NAV3: variants seen among roughly 807,000 people sequenced by gnomAD.
The protein encoded by NAV3 is pore membrane and/or filament interacting like protein 1.
NAV3 carries 87 observed loss-of-function variants against 244.7 expected under a neutral mutation model. The ratio of observed to expected loss-of-function variants is 0.36; its 90% confidence interval spans 0.30 to 0.42. The LOEUF (loss-of-function observed/expected upper bound fraction) is 0.42, where lower values mean the gene tolerates loss of function less well. Ranked by LOEUF, NAV3 falls within the 20% of genes least tolerant of loss-of-function variation. The pLI is 1.00. For synonymous variants in NAV3, 1,126 were observed against 1,042.2 expected, an observed-to-expected ratio of 1.08 and a Z score of -1.55; for missense variants, 2,663 against 2,893.3, an observed-to-expected ratio of 0.92 and a Z score of 1.83.
intron 2 of NAV3, among the ~76,000 whole-genome samples, chr12:77,600,692 TAG>T (rs1450886700): frequency 2.6e-5 from 4 of 151,832 alleles, no homozygotes; most frequent in Non-Finnish European, 5.9e-5. Context: ...ATGGCAAAGC[TAG>T]AGAGAAATGA....
chr12:78,058,930 A>G, intron 11 of NAV3, 66 bp from the exon 12 acceptor site: 3 of 1,405,020 alleles, frequency 2.1e-6, no homozygotes, highest in South Asian at 3.2e-5. Flanking sequence ...CCGTTTGTTT[A>G]TTAAGTTAAA....
At chr12:78,210,277 T>A (rs1209970375) in intron 39 of NAV3, 121 bp from the exon 40 acceptor site, 28 of 1,447,818 alleles carry the variant, frequency 1.9e-5, no homozygotes, top group Non-Finnish European at 2.3e-5. Flanking sequence ...TCTAAAATTA[T>A]TTTCCCCTGT....
chr12:77,869,388 T>C (rs1880601804), intron 1 of NAV3, among the ~76,000 whole-genome samples: 1 of 152,240 alleles, frequency 6.6e-6, no homozygotes. Flanking sequence ...TAATAATTTT[T>C]ACAAAACAAG....
intron 22 of NAV3, among the ~76,000 whole-genome samples, chr12:78,150,629 CCTCACACACACA>C (rs1236629057): frequency 0.011 from 1,371 of 122,640 alleles, 15 homozygotes; most frequent in Non-Finnish European, 0.014. Flanking sequence ...GCAAAAGCTT[CCTCACACACACA>C]CACACACACA....
At chr12:77,934,160 T>C (rs1355043118) in intron 1 of NAV3, among the ~76,000 whole-genome samples, 5 of 152,170 alleles carry the variant, frequency 3.3e-5, no homozygotes, top group Non-Finnish European at 7.3e-5. Flanking sequence ...TTCCTTATTA[T>C]CATGGCACCA....
intron 2 of NAV3, among the ~76,000 whole-genome samples, chr12:77,649,146 A>T (rs1872720020): frequency 2.0e-5 from 3 of 152,138 alleles, no homozygotes; most frequent in Non-Finnish European, 2.9e-5. Flanking sequence ...CTGCTCACAG[A>T]TGGACCCAGA....
intron 3 of NAV3, among the ~76,000 whole-genome samples, chr12:77,956,020 G>A (rs868767852): frequency 1.3e-5 from 2 of 152,104 alleles, no homozygotes; most frequent in Non-Finnish European, 1.5e-5. Flanking sequence ...GCTTGGAAAT[G>A]TCTTGATGAA....
chr12:77,799,805 T>C (rs983215391), intron 2 of NAV3, among the ~76,000 whole-genome samples: 1 of 152,166 alleles, frequency 6.6e-6, no homozygotes, highest in African/African-American at 2.4e-5. Context: ...AAATGTTACA[T>C]ATGTGGATGT....
At chr12:78,088,146 G>GTT (rs557353443) in intron 12 of NAV3, among the ~76,000 whole-genome samples, 2 of 151,136 alleles carry the variant, frequency 1.3e-5, no homozygotes, top group Non-Finnish European at 3.0e-5. Context: ...TAACATAATG[G>GTT]TTTTTATAAT....
intron 2 of NAV3, among the ~76,000 whole-genome samples, chr12:77,591,026 A>G (rs922921623): frequency 5.9e-5 from 9 of 152,228 alleles, no homozygotes; most frequent in African/African-American, 1.9e-4. Flanking sequence ...GTTTTCAGAC[A>G]GACAACTCGT....
chr12:77,646,809 CA>C (rs1872623090), intron 2 of NAV3, among the ~76,000 whole-genome samples: 1 of 151,872 alleles, frequency 6.6e-6, no homozygotes, highest in Non-Finnish European at 1.5e-5. Context: ...TAAATAAATA[CA>C]ATAAAAATAA....
chr12:77,981,811 GC>G (rs1421608913), intron 5 of NAV3, among the ~76,000 whole-genome samples: 1 of 151,898 alleles, frequency 6.6e-6, no homozygotes, highest in Non-Finnish European at 1.5e-5. Context: ...TGTGAATGGT[GC>G]TTTTAGAAGA....
chr12:77,724,190 T>C (rs1463331296), intron 2 of NAV3, among the ~76,000 whole-genome samples: 3 of 151,978 alleles, frequency 2.0e-5, no homozygotes, highest in Admixed American at 2.0e-4. Context: ...TCTATAAAAA[T>C]TGCATTTTTC....
chr12:78,159,479 C>T (rs565386711), intron 23 of NAV3, among the ~76,000 whole-genome samples, 193 bp downstream of exon 23: 195 of 152,088 alleles, frequency 1.3e-3, no homozygotes, highest in African/African-American at 4.5e-3. Context: ...GCCTGGCCAA[C>T]GTGGTAAAAT....
chr12:78,051,572 G>T (rs1882769182), intron 11 of NAV3, among the ~76,000 whole-genome samples: 1 of 151,984 alleles, frequency 6.6e-6, no homozygotes, highest in Non-Finnish European at 1.5e-5. Flanking sequence ...CTTCAATTAT[G>T]CATCCCCAAT....
At chr12:78,136,907 T>C (rs1420203753) in intron 18 of NAV3, among the ~76,000 whole-genome samples, 1 of 152,196 alleles carries the variant, frequency 6.6e-6, no homozygotes, top group Non-Finnish European at 1.5e-5. Flanking sequence ...TTATTACATT[T>C]CTAGCAAGAG....
chr12:77,754,000 A>G (rs942680523), intron 2 of NAV3, among the ~76,000 whole-genome samples: 11 of 152,218 alleles, frequency 7.2e-5, no homozygotes, highest in African/African-American at 2.7e-4. Context: ...CTTGTCATAT[A>G]GAAAAAGGTA....
intron 2 of NAV3, among the ~76,000 whole-genome samples, chr12:77,619,722 G>T (rs767702429): frequency 1.3e-5 from 2 of 151,994 alleles, no homozygotes; most frequent in Non-Finnish European, 2.9e-5. Flanking sequence ...GTCATGGTGT[G>T]AATTACTTTC....
intron 2 of NAV3, among the ~76,000 whole-genome samples, chr12:77,785,498 A>T (rs552830669): frequency 7.9e-5 from 12 of 152,102 alleles, no homozygotes; most frequent in Non-Finnish European, 1.2e-4. Flanking sequence ...AGGGGACAAA[A>T]GAAGGCAAAG....
Sources: allele counts gnomAD v4.1 joint callset (sites outside exome capture counted in the v4.1 genomes callset), GRCh38; gene constraint gnomAD v4.1.1; transcripts MANE v1.5; gene names NCBI Gene and HGNC (gene_info 2026-07-23, HGNC 2026-07-21).